Variants in ASAP2 observed in about 807,000 individuals in gnomAD.
ASAP2 encodes arf-GAP with SH3 domain, ANK repeat and PH domain-containing protein 2.
Under a neutral mutation model 131.4 loss-of-function variants are expected in ASAP2, and 45 were observed. The ratio of observed to expected loss-of-function variants is 0.34; its 90% confidence interval spans 0.27 to 0.44. ASAP2 has a LOEUF of 0.44. Among genes scored for constraint, ASAP2 ranks in the 20% least tolerant of loss-of-function variants. ASAP2 has a pLI of 1.00. For missense variants in ASAP2, 1,011 were observed against 1,297.0 expected (o/e 0.78, Z 3.39); for synonymous variants, 510 against 503.0 (o/e 1.01, Z -0.19).
intron 15 of ASAP2, among the ~76,000 whole-genome samples, chr2:9,367,027 ATTTT>A (rs1171661319): frequency 7.5e-6 from 1 of 132,940 alleles, no homozygotes; most frequent in Admixed American, 7.5e-5. Context: ...TGCCTGCATA[ATTTT>A]TTTTTTTTTT....
chr2:9,253,646 G>A (rs900365006), intron 1 of ASAP2, among the ~76,000 whole-genome samples: 8 of 152,048 alleles, frequency 5.3e-5, no homozygotes, highest in Non-Finnish European at 8.8e-5. Flanking sequence ...TTAGAATTCC[G>A]TATAAATGGA....
rs924166599 is a variant in ASAP2 at position 9,380,012 on chromosome 2, G to T, written c.1949-729G>T. On this transcript the variant is annotated intron_variant, in intron 19 of 27. Coordinates refer to ENST00000281419, the MANE Select transcript of ASAP2 (RefSeq NM_003887.3). The stretch of plus-strand genomic sequence containing the variant: ...TCTCAAAAAAAAAAAAATAAATAAA[G>T]TATATACTTTCAGGGTTTATAGACT... Among the ~76,000 whole-genome samples the T allele has an allele frequency of 2.0e-5, 3 of 150,944 alleles. No homozygotes were observed. The South Asian group carries it at 6.3e-4, about 32-fold the overall frequency.
At chr2:9,289,989 C>T (rs1313267997) in intron 2 of ASAP2, among the ~76,000 whole-genome samples, 1 of 151,702 alleles carries the variant, frequency 6.6e-6, no homozygotes, top group African/African-American at 2.4e-5. Flanking sequence ...AGGAAGAAGC[C>T]GGTGAGAGGC....
At chr2:9,325,993 G>A (rs969705460) in intron 6 of ASAP2, among the ~76,000 whole-genome samples, 1 of 152,208 alleles carries the variant, frequency 6.6e-6, no homozygotes, top group African/African-American at 2.4e-5. Flanking sequence ...GTCATGGGCC[G>A]TGAAGGCCTT....
intron 1 of ASAP2, among the ~76,000 whole-genome samples, chr2:9,278,756 T>A (rs1666924035): frequency 6.6e-6 from 1 of 152,226 alleles, no homozygotes; most frequent in South Asian, 2.1e-4. Flanking sequence ...GCAAAGTGGG[T>A]ATTGTTCCTG....
chr2:9,373,313 G>A lies in ASAP2; in HGVS notation c.1557-1442G>A, dbSNP rs375332819. ...TCAGGTGGAACGGGCACCCTGGGGC[G>A]TGATTTCCTCTCCAGCTGCACCAGC... On this transcript the variant is annotated intron_variant, in intron 16 of 27. Transcript: ENST00000281419. Among the ~76,000 whole-genome samples the A allele has an allele frequency of 3.9e-5, 6 of 152,226 alleles. No individual in the cohort carries two copies. The South Asian group carries it at 1.2e-3, about 32-fold the overall frequency.
intron 1 of ASAP2, among the ~76,000 whole-genome samples, chr2:9,218,065 C>T (rs944525459): frequency 2.6e-5 from 4 of 152,124 alleles, no homozygotes; most frequent in Non-Finnish European, 5.9e-5. Flanking sequence ...GACATGCCTC[C>T]AGGTTCCACA....
chr2:9,233,972 G>A (rs577841581), intron 1 of ASAP2, among the ~76,000 whole-genome samples: 55 of 152,106 alleles, frequency 3.6e-4, no homozygotes, highest in African/African-American at 1.1e-3. Context: ...TTAGCTGGTC[G>A]TGGTGACAGG....
intron 1 of ASAP2, among the ~76,000 whole-genome samples, chr2:9,269,986 C>A (rs903662345): frequency 3.9e-5 from 6 of 152,156 alleles, no homozygotes; most frequent in Non-Finnish European, 8.8e-5. Flanking sequence ...TGAGAGGAAC[C>A]TATAGAAGAG....
intron 14 of ASAP2, among the ~76,000 whole-genome samples, chr2:9,357,633 T>C (rs1558363365): frequency 6.6e-6 from 1 of 152,186 alleles, no homozygotes; most frequent in Non-Finnish European, 1.5e-5. Flanking sequence ...AGGTATGTAC[T>C]CATTATTTTA....
intron 21 of ASAP2, among the ~76,000 whole-genome samples, chr2:9,386,846 G>A (rs142055964): frequency 2.9e-4 from 44 of 152,316 alleles, no homozygotes; most frequent in Admixed American, 1.2e-3. Context: ...TAATGAAGCT[G>A]GCATTTGAAA....
chr2:9,254,244 TATATATATATACACGTGTGTGTGTATGC>T (rs1310619073), intron 1 of ASAP2, among the ~76,000 whole-genome samples: 1 of 88,638 alleles, frequency 1.1e-5, no homozygotes, highest in Non-Finnish European at 2.2e-5. Context: ...AAAATATATA[TATATATATATACACGTGTGTGTGTATGC>T]ATATATATAG....
At chr2:9,236,345 G>GA (rs1663550843) in intron 1 of ASAP2, among the ~76,000 whole-genome samples, 1 of 152,176 alleles carries the variant, frequency 6.6e-6, no homozygotes, top group South Asian at 2.1e-4. Context: ...CATCTTCAAA[G>GA]AGTTAGATTG....
intron 14 of ASAP2, among the ~76,000 whole-genome samples, chr2:9,357,861 C>T (rs73148781): frequency 1.6e-3 from 240 of 152,230 alleles, no homozygotes; most frequent in African/African-American, 5.5e-3. Flanking sequence ...ATTTACCTGC[C>T]GTGAGTTTCT....
At chr2:9,219,206 C>T (rs7559731) in intron 1 of ASAP2, among the ~76,000 whole-genome samples, 83,228 of 152,056 alleles carry the variant, frequency 0.55, 24,358 homozygotes, top group African/African-American at 0.77. Context: ...TTATATCCAG[C>T]GAGCTTCCTA....
chr2:9,314,763 G>A (rs1032809407), intron 3 of ASAP2, among the ~76,000 whole-genome samples: 10 of 151,826 alleles, frequency 6.6e-5, no homozygotes, highest in African/African-American at 9.7e-5. Context: ...GTGAAACCCC[G>A]TCTCTACTAA....
rs1486528497 is a variant in ASAP2 at position 9,297,532 on chromosome 2, T to C, written c.345+87T>C. On this transcript the variant is annotated intron_variant, in intron 3 of 27. Transcript: ENST00000281419. ...GATAGTTATGGTTTGTTTGATAAACTAGGAATGCATTTCATAGTTCCTTGG... is the reference window on the plus strand; with the variant it reads ...GATAGTTATGGTTTGTTTGATAAACCAGGAATGCATTTCATAGTTCCTTGG... 4.0e-6 allele frequency: 6 copies of C among 1,485,976 alleles called. No homozygotes were observed. The African/African-American group carries it at 4.2e-5, about 10-fold the overall frequency. 92.0% of individuals were successfully genotyped at this position (1,485,976 alleles called of 1,614,324 possible). A position where few individuals can be genotyped will look rare whatever the true frequency, so the allele number is the denominator to read the frequency against.
Position 9,379,074 on chromosome 2 carries a change from GC to G in ASAP2, c.1948+19del. On this transcript the variant is annotated intron_variant, in intron 19 of 27. Transcript: ENST00000281419. Reference sequence around the variant, plus strand: ...CATCGAGATAGGTGAGTGGGCCCGGGCCCCGGGGGTGGGCTCAGCTGCACCC... The same window carrying G: ...CATCGAGATAGGTGAGTGGGCCCGGGCCCGGGGGTGGGCTCAGCTGCACCC... The G allele has an allele frequency of 2.0e-6, 3 of 1,502,870 alleles. No individual in the cohort carries two copies. Among genetic ancestry groups the G allele is most frequent in the Admixed American group, 2.1e-5 (1 of 46,576 alleles). 93.1% of individuals were successfully genotyped at this position (1,502,870 alleles called of 1,614,324 possible). A position where few individuals can be genotyped will look rare whatever the true frequency, so the allele number is the denominator to read the frequency against.
chr2:9,372,089 C>A (rs932418296), intron 16 of ASAP2, among the ~76,000 whole-genome samples: 1 of 152,180 alleles, frequency 6.6e-6, no homozygotes, highest in African/African-American at 2.4e-5. Context: ...CATTAAAAAA[C>A]AAGTAAAGGA....
Sources: allele counts gnomAD v4.1 joint callset (sites outside exome capture counted in the v4.1 genomes callset), GRCh38; gene constraint gnomAD v4.1.1; transcripts MANE v1.5; gene names NCBI Gene and HGNC (gene_info 2026-07-23, HGNC 2026-07-21).